The following FAM193A variants were observed in gnomAD, a reference collection of about 807,000 sequenced individuals.
FAM193A encodes protein FAM193A.
A neutral mutation model predicts 126.5 loss-of-function variants in FAM193A; 22 were observed. The ratio of observed to expected loss-of-function variants is 0.17; its 90% CI spans 0.12 to 0.25. The LOEUF (loss-of-function observed/expected upper bound fraction) is 0.25. Ranked by LOEUF, FAM193A falls within the 10% of genes least tolerant of loss-of-function variation. FAM193A has a pLI of 1.00. For missense variants in FAM193A, 1,675 were observed against 1,672.8 expected, an observed-to-expected ratio of 1.00 and a Z score of -0.02; for synonymous variants, 761 against 646.8, an observed-to-expected ratio of 1.18 and a Z score of -2.68.
upstream of FAM193A, among the ~76,000 whole-genome samples, chr4:2,536,241 G>A (rs942088680): frequency 6.6e-6 from 1 of 151,650 alleles, no homozygotes; most frequent in African/African-American, 2.4e-5. Flanking sequence ...AGTTTGCCTC[G>A]CGGGCGGCGG....
intron 8 of FAM193A, among the ~76,000 whole-genome samples, chr4:2,659,056 G>T (rs1406389061): frequency 6.6e-6 from 1 of 152,104 alleles, no homozygotes; most frequent in Admixed American, 6.5e-5. Flanking sequence ...CGGCCATCCC[G>T]TCCTTTTGAG....
chr4:2,725,314 A>G (rs1720605948), intron 20 of FAM193A, among the ~76,000 whole-genome samples: 1 of 151,964 alleles, frequency 6.6e-6, no homozygotes, highest in Non-Finnish European at 1.5e-5. Flanking sequence ...GCATGGTGGC[A>G]CACTACTGTA....
intron 5 of FAM193A, 49 bp from the exon 6 acceptor site, chr4:2,639,684 CTT>C (rs1235360826): frequency 6.5e-7 from 1 of 1,538,188 alleles, no homozygotes; most frequent in East Asian, 2.3e-5. Flanking sequence ...ATTTTCTAGT[CTT>C]TAGCAATTCA....
chr4:2,537,977 C>T (rs1289190775), intron 1 of FAM193A, among the ~76,000 whole-genome samples: 2 of 152,138 alleles, frequency 1.3e-5, no homozygotes, highest in Admixed American at 6.6e-5. Flanking sequence ...CCGTTGGTCA[C>T]AACATTTCAG....
rs763566214 is a variant in FAM193A at position 2,663,302 on chromosome 4, T to G, written c.2079+14T>G. The stretch of plus-strand genomic sequence containing the variant: ...CCAACACAGCAGGTAGGACTTTGCT[T>G]GCTGTTTTGCCAAGGATCTCTTTTT... On this transcript the variant is annotated intron_variant, in intron 12 of 20. Transcript: ENST00000637812. The G allele has an allele frequency of 6.5e-7, 1 of 1,541,200 alleles. No individual in the cohort carries two copies. The highest frequency in any genetic ancestry group is 1.2e-5 in the South Asian group (1 of 81,776).
chr4:2,647,334 CAG>C (rs1419743179), intron 7 of FAM193A, among the ~76,000 whole-genome samples: 1 of 151,810 alleles, frequency 6.6e-6, no homozygotes, highest in Non-Finnish European at 1.5e-5. Flanking sequence ...TTAGTAGAGA[CAG>C]GGTTTCTCCA....
chr4:2,677,403 GTTGTT>G (rs144082339), intron 13 of FAM193A, among the ~76,000 whole-genome samples: 4,618 of 151,878 alleles, frequency 0.03, 246 homozygotes, highest in African/African-American at 0.1. Flanking sequence ...GGGTTTTTTT[GTTGTT>G]TTGTTTTGTT....
chr4:2,653,656 A>G (rs1255917557), intron 7 of FAM193A, among the ~76,000 whole-genome samples: 1 of 152,112 alleles, frequency 6.6e-6, no homozygotes, highest in Non-Finnish European at 1.5e-5. Context: ...GTTGGCCAGG[A>G]TGGTCTAGAT....
chr4:2,725,928 T>C (rs1560623041), intron 20 of FAM193A, among the ~76,000 whole-genome samples: 1 of 151,930 alleles, frequency 6.6e-6, no homozygotes, highest in African/African-American at 2.4e-5. Flanking sequence ...AGATGGAGTC[T>C]CGCTCTGGCG....
intron 1 of FAM193A, among the ~76,000 whole-genome samples, chr4:2,571,323 G>A (rs1371783926): frequency 1.3e-5 from 2 of 152,190 alleles, no homozygotes; most frequent in African/African-American, 4.8e-5. Context: ...GGAGAGGGCA[G>A]GTTCTAGAGT....
At chr4:2,676,858 G>A (rs193188302) in intron 13 of FAM193A, among the ~76,000 whole-genome samples, 2,610 of 152,072 alleles carry the variant, frequency 0.017, 59 homozygotes, top group African/African-American at 0.05. Flanking sequence ...GGAAAATGGC[G>A]TGAACCCGGA....
At chr4:2,678,344 T>G (rs2109196304) in intron 13 of FAM193A, among the ~76,000 whole-genome samples, 1 of 151,344 alleles carries the variant, frequency 6.6e-6, no homozygotes, top group East Asian at 1.9e-4. Flanking sequence ...GTTGGTGTTT[T>G]GTTTTGGTTT....
rs749107809 is a variant in FAM193A at position 2,693,593 on chromosome 4, G to T, written c.2811G>T (p.Val937=). The T allele has an allele frequency of 1.2e-6, 2 of 1,609,854 alleles. No individual in the cohort carries two copies. The highest frequency in any genetic ancestry group is 3.3e-5 in the Admixed American group (2 of 59,898). Residue 937 remains valine (V), a synonymous_variant, in exon 16 of 21, where the codon GTG becomes GTT. Transcript: ENST00000637812. ...TCGCCTCTCTAAATGCAGGTGACGT[G>T]TTTCATGGCATCAGCAAGGAGGACC... ...SSKRPPSVGD[V]FHGISKEDHR...
Position 2,730,073 on chromosome 4 carries a change from T to G in FAM193A, c.4455-1702T>G, listed in dbSNP as rs559114158. 4.6e-5 allele frequency among the ~76,000 whole-genome samples: 7 copies of G among 152,240 alleles called. No individual in the cohort carries two copies. The South Asian group carries it at 1.4e-3, about 32-fold the overall frequency. The stretch of plus-strand genomic sequence containing the variant: ...ACATATGTGTACTGCCACTCCTGGC[T>G]AACTTTTTACTTTTTGTAAAGATGG... On this transcript the variant is annotated intron_variant, in intron 20 of 20. Coordinates refer to ENST00000637812, the MANE Select transcript of FAM193A (RefSeq NM_001366318.2).
At chr4:2,671,584 C>G (rs143594312) in intron 12 of FAM193A, among the ~76,000 whole-genome samples, 2 of 152,158 alleles carry the variant, frequency 1.3e-5, no homozygotes, top group Non-Finnish European at 2.9e-5. Context: ...ATAAATGTGT[C>G]GCGGTATTTT....
intron 1 of FAM193A, among the ~76,000 whole-genome samples, chr4:2,586,916 G>A (rs1740272508): frequency 6.6e-6 from 1 of 152,170 alleles, no homozygotes; most frequent in Non-Finnish European, 1.5e-5. Context: ...GCCTCCCAAA[G>A]TGCTGGGATT....
chr4:2,637,604 C>T (rs1446011245), intron 5 of FAM193A, among the ~76,000 whole-genome samples: 1 of 152,218 alleles, frequency 6.6e-6, no homozygotes, highest in Admixed American at 6.5e-5. Flanking sequence ...AGAGCCTGCC[C>T]TTAGGTCACT....
rs982714619 is a variant in FAM193A at position 2,596,320 on chromosome 4, C to A, written c.492C>A (p.Asp164Glu). The A allele has an allele frequency of 6.3e-5, 44 of 702,354 alleles. No individual in the cohort carries two copies. Among genetic ancestry groups the A allele is most frequent in the Admixed American group, 3.6e-4 (18 of 50,010 alleles). 43.5% of individuals were successfully genotyped at this position (702,354 alleles called of 1,614,324 possible). ...VEKEERHGGL[D>E]QPVSQDFLLH... is the part of the protein sequence containing the mutation. The stretch of plus-strand genomic sequence containing the variant: ...AGGAGGAGAGGCATGGCGGCCTTGA[C>A]CAGCCAGTGGTGAGTGGCTGCCAGC... The change falls in exon 2 of 21, where the codon GAC (aspartate) becomes GAA (glutamate). Residue 164 changes from aspartate (D) to glutamate (E), a missense_variant. Physicochemically the swap from Asp to Glu is conservative, Grantham distance 45. Around this residue, in one of 4 missense-constraint regions of FAM193A, gnomAD observed 1,186 missense variants for 1,109.2 expected, o/e 1.07. Transcript: ENST00000637812.
intron 7 of FAM193A, among the ~76,000 whole-genome samples, chr4:2,650,159 A>G (rs1361384048): frequency 1.3e-5 from 2 of 152,168 alleles, no homozygotes; most frequent in Non-Finnish European, 2.9e-5. Flanking sequence ...TGTAATAATA[A>G]TAGAAACAAA....
Sources: gnomAD v4.1 joint callset for allele counts (sites outside exome capture counted in the v4.1 genomes callset) on GRCh38, gnomAD v4.1.1 for gene constraint, gnomAD v4.1.1 regional missense constraint, MANE v1.5 for transcripts, NCBI Gene and HGNC (gene_info 2026-07-23, HGNC 2026-07-21) for gene names.